CHRM5: variants seen among roughly 807,000 people sequenced by gnomAD.
CHRM5 encodes cholinergic receptor muscarinic 5.
CHRM5 carries 18 observed loss-of-function variants against 39.0 expected under a neutral mutation model. The ratio of observed to expected loss-of-function variants is 0.46; its 90% CI spans 0.32 to 0.68. The LOEUF is 0.68. Ranked by LOEUF, CHRM5 falls within the 30% of genes least tolerant of loss-of-function variation. The probability of loss-of-function intolerance (pLI) is 0.04; values close to 1 mark genes in which losing one functional copy is unlikely to be tolerated. For missense variants in CHRM5, 515 were observed against 651.1 expected (o/e 0.79, Z 2.28); for synonymous variants, 241 against 246.3 (o/e 0.98, Z 0.20).
At chr15:33,983,930 GAAAAA>G (rs11353733) in intron 1 of CHRM5, among the ~76,000 whole-genome samples, 1 of 143,024 alleles carries the variant, frequency 7.0e-6, no homozygotes, top group African/African-American at 2.5e-5. Flanking sequence ...GCCTCATCAT[GAAAAA>G]AAAAAAAATC....
At chr15:33,994,446 T>C (rs1896853816) in intron 1 of CHRM5, among the ~76,000 whole-genome samples, 2 of 152,118 alleles carry the variant, frequency 1.3e-5, no homozygotes, top group Admixed American at 1.3e-4. Context: ...CACAATGTAA[T>C]AATAATAGAA....
rs1448184566 is a variant in CHRM5 at position 34,065,419 on chromosome 15, G to A, written c.*1103G>A. 2 of 152,172 alleles carry A rather than the reference G, an allele frequency of 1.3e-5. No homozygotes were observed. Among genetic ancestry groups the A allele is most frequent in the Non-Finnish European group, 2.9e-5 (2 of 68,052 alleles). 9.4% of individuals were successfully genotyped at this position (152,172 alleles called of 1,614,324 possible). A position where few individuals can be genotyped will look rare whatever the true frequency, so the allele number is the denominator to read the frequency against. On this transcript the variant is annotated 3_prime_UTR_variant, in exon 3 of 3. Coordinates refer to ENST00000383263, the MANE Select transcript of CHRM5 (RefSeq NM_012125.4). ...ATCCCCAGTTCACACCAAGACGCAAGCAGGTCAGCTGTGCTGCCTCCAAGC... is the reference window on the plus strand; with the variant it reads ...ATCCCCAGTTCACACCAAGACGCAAACAGGTCAGCTGTGCTGCCTCCAAGC...
intron 1 of CHRM5, among the ~76,000 whole-genome samples, chr15:34,026,602 A>G (rs1319760246): frequency 6.6e-6 from 1 of 152,162 alleles, no homozygotes; most frequent in Non-Finnish European, 1.5e-5. Flanking sequence ...AAATTTTCCA[A>G]GGAATGATGA....
intron 2 of CHRM5, among the ~76,000 whole-genome samples, chr15:34,060,860 G>C (rs763327014): frequency 5.3e-5 from 8 of 151,730 alleles, no homozygotes; most frequent in Non-Finnish European, 8.8e-5. Context: ...ACAAGGGCAA[G>C]ACTCTGTTAG....
chr15:34,013,849 G>A (rs760785216), intron 1 of CHRM5, among the ~76,000 whole-genome samples: 13 of 152,114 alleles, frequency 8.5e-5, no homozygotes, highest in Non-Finnish European at 1.6e-4. Flanking sequence ...ACCCATGAGC[G>A]AGAAACAGTT....
At position 34,039,032 on chromosome 15, in the gene CHRM5, T is replaced by G. The variant is rs1457131024; in HGVS notation, c.-407-7508T>G. 1.3e-4 allele frequency: 141 copies of G among 1,116,044 alleles called. No individual in the cohort carries two copies. The highest frequency in any genetic ancestry group is 3.9e-4 in the East Asian group (7 of 17,778). The allele number at this position is 1,116,044 out of a possible 1,614,324, so 69.1% of individuals were successfully genotyped here. A position where few individuals can be genotyped will look rare whatever the true frequency, so the allele number is the denominator to read the frequency against. ...GCCGCCCACGGCCTCCCCGAGCTCCTCGCTCCGCCTGCATCTGGCCGCCGC... is the reference window on the plus strand; with the variant it reads ...GCCGCCCACGGCCTCCCCGAGCTCCGCGCTCCGCCTGCATCTGGCCGCCGC... On this transcript the variant is annotated intron_variant, in intron 1 of 2. Coordinates refer to ENST00000383263, the MANE Select transcript of CHRM5 (RefSeq NM_012125.4).
chr15:34,043,174 G>A (rs1209024448), intron 1 of CHRM5, among the ~76,000 whole-genome samples: 1 of 150,672 alleles, frequency 6.6e-6, no homozygotes, highest in Non-Finnish European at 1.5e-5. Flanking sequence ...GTGAACCTGG[G>A]AGGCAGAGCT....
At chr15:34,055,058 G>A (rs1015705524) in intron 2 of CHRM5, among the ~76,000 whole-genome samples, 6 of 151,632 alleles carry the variant, frequency 4.0e-5, no homozygotes, top group Admixed American at 2.0e-4. Context: ...TGGGCATGGT[G>A]GCACATGCCT....
intron 1 of CHRM5, among the ~76,000 whole-genome samples, chr15:33,971,724 T>C (rs1228336134): frequency 6.6e-6 from 1 of 152,120 alleles, no homozygotes; most frequent in African/African-American, 2.4e-5. Flanking sequence ...ATTTTTTTCA[T>C]TCCATTATAA....
chr15:34,049,537 T>C lies in CHRM5; in HGVS notation c.-76+2666T>C, dbSNP rs530200284. Among the ~76,000 whole-genome samples, 323 of 152,186 alleles carry C rather than the reference T, an allele frequency of 2.1e-3. 4 individuals are homozygous for C. In the South Asian group the frequency reaches 0.026, roughly 12 times the overall value. On this transcript the variant is annotated intron_variant, in intron 2 of 2. Coordinates refer to ENST00000383263, the MANE Select transcript of CHRM5 (RefSeq NM_012125.4). ...GAATGAAAAGGATCATGGGATTATG[T>C]AAAGCAAAACCCATGACTGATTGGG...
chr15:34,037,778 CTG>C, intron 1 of CHRM5, among the ~76,000 whole-genome samples: 1 of 151,926 alleles, frequency 6.6e-6, no homozygotes, highest in South Asian at 2.1e-4. Context: ...TTTTCCAGCT[CTG>C]TATTGCTGTA....
rs1445498712 is a variant in CHRM5, at chr15:33,997,711, T to C, written c.-408+28561T>C. Reference sequence around the variant, plus strand: ...TTCTCTCATATCTTCACTTATTTCCTTATCCCACTTAAATTCATTTCAATC... The same window carrying C: ...TTCTCTCATATCTTCACTTATTTCCCTATCCCACTTAAATTCATTTCAATC... On this transcript the variant is annotated intron_variant, in intron 1 of 2. Transcript: ENST00000383263. Among the ~76,000 whole-genome samples the C allele has an allele frequency of 7.9e-5, 12 of 152,146 alleles. 1 individual carries two copies. The highest frequency in any genetic ancestry group is 7.9e-4 in the Admixed American group (12 of 15,272).
At chr15:33,990,365 G>C (rs941025746) in intron 1 of CHRM5, among the ~76,000 whole-genome samples, 2 of 152,118 alleles carry the variant, frequency 1.3e-5, no homozygotes, top group East Asian at 3.9e-4. Context: ...ATGGGCGACA[G>C]AGTGAGACCC....
At chr15:34,038,932 CGCCTCTGGCTACCGCCGCT>C in intron 1 of CHRM5, 16 of 1,104,820 alleles carry the variant, frequency 1.4e-5, no homozygotes, top group Non-Finnish European at 1.8e-5. Flanking sequence ...CCTCCGCCGC[CGCCTCTGGCTACCGCCGCT>C]GCGGCTCCGG....
intron 1 of CHRM5, among the ~76,000 whole-genome samples, chr15:34,037,229 T>C (rs1424763166): frequency 5.3e-5 from 8 of 152,140 alleles, no homozygotes; most frequent in African/African-American, 1.9e-4. Context: ...TAAAGTCCTG[T>C]GCGCCAGACA....
chr15:34,063,674 T>C lies in CHRM5; in HGVS notation c.957T>C (p.Pro319=). Residue 319 remains proline (P), a synonymous_variant, in exon 3 of 3, where the codon CCT becomes CCC. Coordinates refer to ENST00000383263, the MANE Select transcript of CHRM5 (RefSeq NM_012125.4). The surrounding 1 kb of genome is among the most constrained non-coding windows in gnomAD (Gnocchi z 4.1). ...SEDEDKPATD[P]VLQVVYKSQG... is the part of the protein sequence containing the mutation. Reference sequence around the variant, plus strand: ...ATGAGGACAAGCCCGCCACTGACCCTGTCCTCCAAGTGGTCTACAAGAGTC... The same window carrying C: ...ATGAGGACAAGCCCGCCACTGACCCCGTCCTCCAAGTGGTCTACAAGAGTC... 6.2e-7 allele frequency: 1 copy of C among 1,614,166 alleles called. No individual in the cohort carries two copies. Among genetic ancestry groups the C allele is most frequent in the Non-Finnish European group, 8.5e-7 (1 of 1,180,036 alleles).
intron 2 of CHRM5, among the ~76,000 whole-genome samples, chr15:34,059,630 C>A (rs1468208330): frequency 6.6e-6 from 1 of 152,126 alleles, no homozygotes; most frequent in African/African-American, 2.4e-5. Flanking sequence ...CTTTCCATTC[C>A]TCCTCTTTTG....
intron 1 of CHRM5, among the ~76,000 whole-genome samples, chr15:34,013,932 T>A (rs1897750213): frequency 6.6e-6 from 1 of 152,204 alleles, no homozygotes; most frequent in Non-Finnish European, 1.5e-5. Context: ...GCCTGCTGAC[T>A]CTTCCCAACC....
chr15:34,002,216 T>A (rs1466194592), intron 1 of CHRM5, among the ~76,000 whole-genome samples: 1 of 152,176 alleles, frequency 6.6e-6, no homozygotes, highest in Non-Finnish European at 1.5e-5. Flanking sequence ...CTACACAATT[T>A]TATCACCTGC....
Sources: gnomAD v4.1 joint callset for allele counts (sites outside exome capture counted in the v4.1 genomes callset) on GRCh38, gnomAD v4.1.1 for gene constraint, Gnocchi (gnomAD v3.1) non-coding constraint, MANE v1.5 for transcripts, NCBI Gene and HGNC (gene_info 2026-07-23, HGNC 2026-07-21) for gene names.